Variants in JMJD1C observed in about 807,000 individuals in gnomAD.
JMJD1C encodes jumonji domain-containing protein 1C.
A neutral mutation model predicts 245.3 loss-of-function variants in JMJD1C; 31 were observed. The observed-to-expected ratio is 0.13, with a 90% CI of 0.09 to 0.17. JMJD1C has a LOEUF of 0.17. Among genes scored for constraint, JMJD1C ranks in the 10% least tolerant of loss-of-function variants. The probability of loss-of-function intolerance (pLI) is 1.00; values close to 1 mark genes in which losing one functional copy is unlikely to be tolerated. For missense variants in JMJD1C, 2,691 were observed against 3,000.2 expected, an observed-to-expected ratio of 0.90 and a Z score of 2.41; for synonymous variants, 1,057 against 1,017.4, an observed-to-expected ratio of 1.04 and a Z score of -0.74.
chr10:63,512,982 A>G (rs1354538918), intron 1 of JMJD1C, among the ~76,000 whole-genome samples: 1 of 152,202 alleles, frequency 6.6e-6, no homozygotes, highest in East Asian at 1.9e-4. Flanking sequence ...GAGCCTATCA[A>G]TGAAATTCTT....
chr10:63,315,911 G>A (rs923316129), intron 2 of JMJD1C, among the ~76,000 whole-genome samples: 5 of 151,016 alleles, frequency 3.3e-5, no homozygotes, highest in African/African-American at 1.2e-4. Flanking sequence ...GTTCATGCCT[G>A]TAATACAAGC....
chr10:63,471,775 C>T lies in JMJD1C; in HGVS notation n.113+49963G>A, dbSNP rs563722281. On this transcript the variant is annotated intron_variant and non_coding_transcript_variant, in intron 1 of 3. Transcript: ENST00000633035. ...CAAATAGGTCAGGCATGGTAGCTCT[C>T]ACCTGTAATCCCAGCACACTGGGAG... Among the ~76,000 whole-genome samples the T allele has an allele frequency of 2.6e-4, 39 of 152,290 alleles. 1 individual carries two copies. In the South Asian group the frequency reaches 8.1e-3, roughly 32 times the overall value.
chr10:63,424,294 TG>T, intron 1 of JMJD1C, among the ~76,000 whole-genome samples: 1 of 151,632 alleles, frequency 6.6e-6, no homozygotes, highest in East Asian at 1.9e-4. Flanking sequence ...CTTGAACTCC[TG>T]ATCTCAAGCA....
At chr10:63,191,198 C>G in intron 16 of JMJD1C, 90 bp from the exon 17 acceptor site, 1 of 926,090 alleles carries the variant, frequency 1.1e-6, no homozygotes, top group South Asian at 1.4e-5. Flanking sequence ...GTGGCGTGAC[C>G]TCGGCTCACT....
intron 1 of JMJD1C, among the ~76,000 whole-genome samples, chr10:63,474,594 G>C (rs1297911121): frequency 2.0e-5 from 3 of 151,972 alleles, no homozygotes; most frequent in Admixed American, 2.0e-4. Flanking sequence ...GGGACCACCG[G>C]CATGTACCAC....
At chr10:63,399,703 A>T (rs1246079782) in intron 1 of JMJD1C, among the ~76,000 whole-genome samples, 1 of 151,440 alleles carries the variant, frequency 6.6e-6, no homozygotes, top group Non-Finnish European at 1.5e-5. Context: ...TATGTTAAAA[A>T]CTCTTAAAAT....
chr10:63,185,094 A>G (rs1197766458), intron 20 of JMJD1C, among the ~76,000 whole-genome samples: 3 of 151,642 alleles, frequency 2.0e-5, no homozygotes, highest in Non-Finnish European at 4.4e-5. Context: ...GTCCTAACAT[A>G]AAGATTTTCC....
intron 15 of JMJD1C, 90 bp from the exon 16 acceptor site, chr10:63,193,241 C>G: frequency 2.7e-6 from 4 of 1,463,508 alleles, no homozygotes; most frequent in Non-Finnish European, 2.8e-6. Flanking sequence ...AGAAACACAG[C>G]AAACCTAATT....
intron 24 of JMJD1C, among the ~76,000 whole-genome samples, chr10:63,172,450 C>T (rs1328544690): frequency 6.6e-6 from 1 of 152,080 alleles, no homozygotes; most frequent in Non-Finnish European, 1.5e-5. Context: ...TTACTGAGAA[C>T]GTATTTTCTG....
intron 2 of JMJD1C, among the ~76,000 whole-genome samples, chr10:63,363,853 A>ATTTT (rs759663605): frequency 5.5e-5 from 7 of 126,446 alleles, no homozygotes; most frequent in South Asian, 2.6e-4. Flanking sequence ...TGCCTGGCTA[A>ATTTT]TTTTTTTTTT....
At chr10:63,197,655 G>A (rs1845599568) in intron 12 of JMJD1C, 92 bp from the exon 13 acceptor site, 1 of 1,184,232 alleles carries the variant, frequency 8.4e-7, no homozygotes, top group South Asian at 1.7e-5. Flanking sequence ...AAAATGTAAA[G>A]GCAAACCAAG....
At chr10:63,401,411 T>C (rs1246388126) in intron 1 of JMJD1C, among the ~76,000 whole-genome samples, 1 of 152,144 alleles carries the variant, frequency 6.6e-6, no homozygotes, top group Non-Finnish European at 1.5e-5. Flanking sequence ...TTAGATACTG[T>C]ACTTTTTGTT....
Position 63,505,102 on chromosome 10 carries a change from G to C in JMJD1C, n.113+16636C>G, listed in dbSNP as rs1954677324. On this transcript the variant is annotated intron_variant and non_coding_transcript_variant, in intron 1 of 3. Transcript: ENST00000633035. ...CCTAGGCAGGCGGATCACGAGGTCAGGAGATCGAGACCATCCTGGCTAACA... is the reference window on the plus strand; with the variant it reads ...CCTAGGCAGGCGGATCACGAGGTCACGAGATCGAGACCATCCTGGCTAACA... 1.3e-5 allele frequency among the ~76,000 whole-genome samples: 2 copies of C among 152,130 alleles called. 1 individual carries two copies. Among genetic ancestry groups the C allele is most frequent in the South Asian group, 4.1e-4 (2 of 4,834 alleles).
chr10:63,392,122 GA>G (rs910217380), intron 1 of JMJD1C, among the ~76,000 whole-genome samples: 4 of 152,018 alleles, frequency 2.6e-5, no homozygotes, highest in Non-Finnish European at 5.9e-5. Flanking sequence ...ACACATTATG[GA>G]AAAAACAACC....
At chr10:63,242,655 C>T (rs764762971) in intron 3 of JMJD1C, among the ~76,000 whole-genome samples, 1 of 152,180 alleles carries the variant, frequency 6.6e-6, no homozygotes, top group African/African-American at 2.4e-5. Context: ...GAACCCAGGA[C>T]GCGGAGGTTG....
chr10:63,281,894 C>T (rs1327494522), intron 2 of JMJD1C, among the ~76,000 whole-genome samples: 1 of 152,160 alleles, frequency 6.6e-6, no homozygotes, highest in Non-Finnish European at 1.5e-5. Flanking sequence ...ATAAAAATCA[C>T]AGGAGAAACT....
At position 63,186,991 on chromosome 10, in the gene JMJD1C, T is replaced by C. The variant is rs539096342; in HGVS notation, c.6571-608A>G. 2.0e-5 allele frequency among the ~76,000 whole-genome samples: 3 copies of C among 152,278 alleles called. No homozygotes were observed. The East Asian group carries it at 5.8e-4, about 29-fold the overall frequency. ...GATTGCTTGAGCCCGAGTTTGTATC[T>C]TGCCTAGGAGACACAGCAAAACCCT... On this transcript the variant is annotated intron_variant, in intron 18 of 25. Coordinates refer to ENST00000399262, the MANE Select transcript of JMJD1C (RefSeq NM_032776.3).
At chr10:63,304,540 T>A (rs1937742316) in intron 2 of JMJD1C, among the ~76,000 whole-genome samples, 1 of 152,186 alleles carries the variant, frequency 6.6e-6, no homozygotes, top group Non-Finnish European at 1.5e-5. Flanking sequence ...TAAACTCTTG[T>A]TTTTTGGGTT....
At chr10:63,422,297 A>G (rs1212527210) in intron 1 of JMJD1C, among the ~76,000 whole-genome samples, 1 of 152,164 alleles carries the variant, frequency 6.6e-6, no homozygotes, top group Admixed American at 6.5e-5. Flanking sequence ...CTGTAATCCC[A>G]GCTACTTGGG....
Sources: gnomAD v4.1 joint callset for allele counts (sites outside exome capture counted in the v4.1 genomes callset) on GRCh38, gnomAD v4.1.1 for gene constraint, MANE v1.5 for transcripts, NCBI Gene and HGNC (gene_info 2026-07-23, HGNC 2026-07-21) for gene names.